PLAAT2: variants seen among roughly 807,000 people sequenced by gnomAD.
The protein encoded by PLAAT2 is HRAS like suppressor 2.
Under a neutral mutation model 12.8 loss-of-function variants are expected in PLAAT2, and 12 were observed. The observed-to-expected ratio is 0.94, with a 90% confidence interval of 0.60 to 1.52. The LOEUF is 1.52. Among genes scored for constraint, PLAAT2 ranks in the 40% most tolerant of loss-of-function variants. The pLI, the probability that PLAAT2 is intolerant of heterozygous loss-of-function variation, is 0.00. For missense variants in PLAAT2, 166 were observed against 208.1 expected, an observed-to-expected ratio of 0.80 and a Z score of 1.24; for synonymous variants, 79 against 86.8, an observed-to-expected ratio of 0.91 and a Z score of 0.50.
At chr11:63,564,058 G>A (rs1038565497), upstream of PLAAT2, among the ~76,000 whole-genome samples, 1 of 152,294 alleles carries the variant, frequency 6.6e-6, no homozygotes, top group Non-Finnish European at 1.5e-5. Context: ...AATGATGGTT[G>A]CCGGGACAGG....
chr11:63,561,482 TA>T (rs2017517676), intron 1 of PLAAT2, among the ~76,000 whole-genome samples: 2 of 151,700 alleles, frequency 1.3e-5, no homozygotes, highest in Non-Finnish European at 2.9e-5. Context: ...CCATCTCTAC[TA>T]AAAATACTAA....
upstream of PLAAT2, chr11:63,563,479 G>A: frequency 3.8e-6 from 3 of 782,892 alleles, no homozygotes; most frequent in Non-Finnish European, 6.4e-6. Flanking sequence ...AGCACTTTGA[G>A]AGGCTGAGGC....
rs372235719 is a variant in PLAAT2, at chr11:63,559,264, C to G, written c.119-604G>C. ...GCTGCAGTGAGCTGTGATTGTGCCACTATGCTCCAGCCTGGGCAGCAGAGT... is the reference window on the plus strand; with the variant it reads ...GCTGCAGTGAGCTGTGATTGTGCCAGTATGCTCCAGCCTGGGCAGCAGAGT... On this transcript the variant is annotated intron_variant, in intron 2 of 3. Transcript: ENST00000255695. Among the ~76,000 whole-genome samples the G allele has an allele frequency of 8.5e-5, 13 of 152,298 alleles. No individual in the cohort carries two copies. The East Asian group carries it at 2.5e-3, about 29-fold the overall frequency.
chr11:63,561,716 A>G (rs2017520882), intron 1 of PLAAT2, among the ~76,000 whole-genome samples: 1 of 150,026 alleles, frequency 6.7e-6, no homozygotes, highest in South Asian at 2.1e-4. Flanking sequence ...TGATAGGTAC[A>G]CCAAAATCTC....
intron 3 of PLAAT2, among the ~76,000 whole-genome samples, chr11:63,553,335 C>A (rs2017435233): frequency 6.6e-6 from 1 of 152,050 alleles, no homozygotes; most frequent in East Asian, 1.9e-4. Flanking sequence ...CCAGATGCAC[C>A]TGTGGGTATT....
Position 63,558,541 on chromosome 11 carries a change from G to T in PLAAT2, c.238C>A (p.His80Asn). 1 of 1,614,242 alleles carries T rather than the reference G, an allele frequency of 6.2e-7. No individual in the cohort carries two copies. The highest frequency in any genetic ancestry group is 8.5e-7 in the Non-Finnish European group (1 of 1,180,052). Reference sequence around the variant, plus strand: ...GGCAGTGGTGTGTATCTGTCATCGTGCTTGTTATTGACCCTGTAGTTGTCT... The same window carrying T: ...GGCAGTGGTGTGTATCTGTCATCGTTCTTGTTATTGACCCTGTAGTTGTCT... ...GGDNYRVNNKHDDRYTPLPSN... is the reference protein window; with the variant it reads ...GGDNYRVNNKNDDRYTPLPSN... The change falls in exon 3 of 4, where the codon CAC becomes AAC. Residue 80 changes from histidine to asparagine, a missense_variant. By Grantham distance (68) the His-to-Asn change is moderately conservative (BLOSUM62 1). Transcript: ENST00000255695.
rs541765236 is a variant in PLAAT2 at position 63,557,455 on chromosome 11, A to T, written c.387+937T>A. ...GGTGGGAGGATTGCTTGAGCCCAGG[A>T]GGTCGAGGCTGCAGTGAGCCATGAT... On this transcript the variant is annotated intron_variant, in intron 3 of 3. Transcript: ENST00000255695. 1.4e-4 allele frequency among the ~76,000 whole-genome samples: 22 copies of T among 152,146 alleles called. 1 individual carries two copies. In the South Asian group the frequency reaches 3.5e-3, roughly 24 times the overall value.
At chr11:63,564,780 A>T (rs2017548708), upstream of PLAAT2, among the ~76,000 whole-genome samples, 1 of 151,798 alleles carries the variant, frequency 6.6e-6, no homozygotes, top group South Asian at 2.1e-4. Context: ...TTAGGGGCTG[A>T]CCTCCAGTCC....
rs2017487674 is a variant in PLAAT2 at position 63,558,429 on chromosome 11, A to T, written c.350T>A (p.Val117Glu). 1 of 1,614,074 alleles carries T rather than the reference A, an allele frequency of 6.2e-7. No homozygotes were observed. Among genetic ancestry groups the T allele is most frequent in the Admixed American group, 1.7e-5 (1 of 60,000 alleles). Residue 117 changes from valine to glutamate, a missense_variant, in exon 3 of 4, where the codon GTG (valine) becomes GAG (glutamate). By Grantham distance (121) the Val-to-Glu change is moderately radical. Coordinates refer to ENST00000255695, the MANE Select transcript of PLAAT2 (RefSeq NM_017878.2). ...SLTSDNCEHF[V>E]NHLRYGVSRS... ...GGAGACGCCATAGCGCAGATGGTTC[A>T]CGAAGTGCTCGCAGTTGTCACTGGT...
At chr11:63,563,955 C>T, upstream of PLAAT2, among the ~76,000 whole-genome samples, 1 of 151,820 alleles carries the variant, frequency 6.6e-6, no homozygotes, top group South Asian at 2.1e-4. Flanking sequence ...GTTGTGGGGG[C>T]AAGGGAGGAT....
chr11:63,562,239 G>A (rs2017525623), intron 1 of PLAAT2, among the ~76,000 whole-genome samples: 1 of 152,096 alleles, frequency 6.6e-6, no homozygotes. Flanking sequence ...TAATAGTTTT[G>A]GTTTTTGGCT....
chr11:63,557,858 G>A (rs568343068), intron 3 of PLAAT2, among the ~76,000 whole-genome samples: 40 of 152,146 alleles, frequency 2.6e-4, no homozygotes, highest in East Asian at 9.6e-4. Flanking sequence ...TATTGCCCCC[G>A]TTCCCTGGTA....
chr11:63,563,485 G>A (rs1373283434), upstream of PLAAT2: 4 of 721,338 alleles, frequency 5.5e-6, no homozygotes, highest in African/African-American at 5.3e-5. Context: ...TTGAGAGGCT[G>A]AGGCGGGAGG....
intron 3 of PLAAT2, among the ~76,000 whole-genome samples, chr11:63,554,995 A>G (rs1424873973): frequency 6.6e-6 from 1 of 152,232 alleles, no homozygotes; most frequent in Admixed American, 6.5e-5. Context: ...GAGGTGACTG[A>G]CATTGTAAAG....
intron 3 of PLAAT2, among the ~76,000 whole-genome samples, chr11:63,556,920 G>A (rs2017471657): frequency 6.6e-6 from 1 of 152,156 alleles, no homozygotes; most frequent in Admixed American, 6.5e-5. Flanking sequence ...AAGTGAGATG[G>A]TTATCATGAA....
At chr11:63,554,942 AC>A (rs1465846489) in intron 3 of PLAAT2, among the ~76,000 whole-genome samples, 1 of 152,240 alleles carries the variant, frequency 6.6e-6, no homozygotes, top group Non-Finnish European at 1.5e-5. Flanking sequence ...TTCAGTCTCT[AC>A]TGACAGCAGG....
upstream of PLAAT2, chr11:63,563,444 T>A (rs2017536437): frequency 7.8e-7 from 1 of 1,289,822 alleles, no homozygotes; most frequent in Non-Finnish European, 1.1e-6. Flanking sequence ...ATAGGCTGGG[T>A]GCGGTGGCTC....
At chr11:63,560,562 C>A (rs930328548) in intron 1 of PLAAT2, among the ~76,000 whole-genome samples, 1 of 152,142 alleles carries the variant, frequency 6.6e-6, no homozygotes, top group Non-Finnish European at 1.5e-5. Context: ...GCCTAAAATG[C>A]CTCTTTAAGG....
intron 3 of PLAAT2, among the ~76,000 whole-genome samples, chr11:63,555,915 AAC>A (rs1464762836): frequency 6.6e-6 from 1 of 152,232 alleles, no homozygotes; most frequent in Admixed American, 6.5e-5. Context: ...CTTTGTAATA[AAC>A]AGTCTAAGAA....
Sources: allele counts gnomAD v4.1 joint callset (sites outside exome capture counted in the v4.1 genomes callset), GRCh38; gene constraint gnomAD v4.1.1; transcripts MANE v1.5; gene names NCBI Gene and HGNC (gene_info 2026-07-23, HGNC 2026-07-21).